Variants in ATG3 observed in about 807,000 individuals in gnomAD.
ATG3 encodes the protein autophagy related 3, also known as ubiquitin-like-conjugating enzyme ATG3.
ATG3 carries 25 observed loss-of-function variants against 50.7 expected under a neutral mutation model. The observed-to-expected ratio is 0.49, with a 90% CI of 0.36 to 0.69. The LOEUF (loss-of-function observed/expected upper bound fraction) is 0.69. Among genes scored for constraint, ATG3 ranks in the 30% least tolerant of loss-of-function variants. The pLI is 0.00. For synonymous variants in ATG3, 119 were observed against 125.5 expected (o/e 0.95, Z 0.34); for missense variants, 281 against 376.0 (o/e 0.75, Z 2.09).
Position 112,532,635 on chromosome 3 carries a change from C to T in ATG3, c.*64G>A. On this transcript the variant is annotated 3_prime_UTR_variant, in exon 12 of 12. Transcript: ENST00000283290. ...TATTGATGAATATGGTCAATGGTCA[C>T]ATCTATGGGTTAATTCTTTAAAAAT... 7.9e-7 allele frequency: 1 copy of T among 1,270,656 alleles called. No homozygotes were observed. Among genetic ancestry groups the T allele is most frequent in the South Asian group, 1.6e-5 (1 of 63,032 alleles). The allele number at this position is 1,270,656 out of a possible 1,614,324, so 78.7% of individuals were successfully genotyped here.
intron 6 of ATG3, among the ~76,000 whole-genome samples, chr3:112,542,574 G>A (rs1377678589): frequency 6.6e-6 from 1 of 152,064 alleles, no homozygotes; most frequent in East Asian, 1.9e-4. Context: ...AGAAACTTAA[G>A]TCATATGTTT....
At chr3:112,539,211 G>A (rs1174523974) in intron 7 of ATG3, among the ~76,000 whole-genome samples, 3 of 152,020 alleles carry the variant, frequency 2.0e-5, no homozygotes, top group Non-Finnish European at 2.9e-5. Context: ...CTGTTGAAAT[G>A]TCACTCCTCT....
At chr3:112,537,548 C>T (rs1933103775) in intron 9 of ATG3, 187 bp downstream of exon 9, 1 of 451,272 alleles carries the variant, frequency 2.2e-6, no homozygotes, top group Non-Finnish European at 3.8e-6. Flanking sequence ...ATTATTGTTA[C>T]ACTGAATAAT....
At position 112,545,989 on chromosome 3, in the gene ATG3, T is replaced by C. The variant is rs566694692; in HGVS notation, c.344-1883A>G. On this transcript the variant is annotated intron_variant, in intron 5 of 11. Transcript: ENST00000283290. ...GTTGAAGGCCTTGTAAGAAAAAGACTGAGGTCCTCCAGAAGAAGGAATTCA... is the reference window on the plus strand; with the variant it reads ...GTTGAAGGCCTTGTAAGAAAAAGACCGAGGTCCTCCAGAAGAAGGAATTCA... Among the ~76,000 whole-genome samples the C allele has an allele frequency of 8.5e-5, 13 of 152,272 alleles. No individual in the cohort carries two copies. In the South Asian group the frequency reaches 1.9e-3, roughly 22 times the overall value.
intron 2 of ATG3, 136 bp from the exon 3 acceptor site, chr3:112,553,465 G>T (rs1933582222): frequency 9.5e-6 from 6 of 628,520 alleles, no homozygotes; most frequent in Non-Finnish European, 1.7e-5. Context: ...AATATAAACA[G>T]CAACAAAGCT....
At chr3:112,544,960 G>C (rs1933334330) in intron 5 of ATG3, among the ~76,000 whole-genome samples, 1 of 152,084 alleles carries the variant, frequency 6.6e-6, no homozygotes, top group African/African-American at 2.4e-5. Context: ...ATTTCATTTG[G>C]ATTTTTGGAT....
chr3:112,535,258 C>T (rs1254088346), intron 10 of ATG3: 1 of 152,048 alleles, frequency 6.6e-6, no homozygotes, highest in Non-Finnish European at 1.5e-5. Flanking sequence ...ATGTATGATT[C>T]CAGAGGATTT....
chr3:112,554,720 A>G (rs558160053), intron 2 of ATG3, among the ~76,000 whole-genome samples: 12 of 152,366 alleles, frequency 7.9e-5, no homozygotes, highest in Admixed American at 3.3e-4. Flanking sequence ...AAAATTACAA[A>G]ATATTTAATC....
intron 5 of ATG3, among the ~76,000 whole-genome samples, chr3:112,548,159 A>G (rs1469821956): frequency 6.6e-6 from 1 of 152,136 alleles, no homozygotes. Context: ...GGAGACCATC[A>G]TGACCAACAT....
chr3:112,545,718 A>T (rs1933351109), intron 5 of ATG3, among the ~76,000 whole-genome samples: 1 of 152,232 alleles, frequency 6.6e-6, no homozygotes, highest in Non-Finnish European at 1.5e-5. Flanking sequence ...CCATTAAAAC[A>T]CTTCTAGAAG....
At chr3:112,540,553 G>T (rs1019914499) in intron 7 of ATG3, among the ~76,000 whole-genome samples, 14 of 151,248 alleles carry the variant, frequency 9.3e-5, no homozygotes, top group African/African-American at 3.4e-4. Flanking sequence ...TATCTTTCTT[G>T]TTGCACAAAT....
chr3:112,554,435 T>C (rs1293961026), intron 2 of ATG3, among the ~76,000 whole-genome samples: 1 of 152,268 alleles, frequency 6.6e-6, no homozygotes, highest in Non-Finnish European at 1.5e-5. Context: ...ATGTATTTTG[T>C]GCCATCCACC....
In ATG3 at chr3:112,534,296, T is replaced by G. The variant is rs146819825; in HGVS notation, c.836A>C (p.Glu279Ala). The change falls in exon 11 of 12, where the codon GAA becomes GCA. Residue 279 changes from glutamate (E) to alanine (A), a missense_variant. This residue lies in a region of ATG3 where 242 missense variants were observed against 305.0 expected (regional missense o/e 0.79). Transcript: ENST00000283290. ...ATGAACTCCAAGTTCTCCCCCTCCT[T>G]CTGCAACAGTCTCAATGATTTTCTT... ...VMKKIIETVA[E>A]GGGELGVHMY... is the part of the protein sequence containing the mutation. 337 of 1,599,138 alleles carry G rather than the reference T, an allele frequency of 2.1e-4. No individual in the cohort carries two copies. The highest frequency in any genetic ancestry group is 2.7e-4 in the Non-Finnish European group (320 of 1,173,624).
At chr3:112,558,223 T>C (rs1208930748) in intron 2 of ATG3, 153 bp downstream of exon 2, 3 of 592,956 alleles carry the variant, frequency 5.1e-6, no homozygotes, top group Non-Finnish European at 9.0e-6. Flanking sequence ...TTTTCTTCTA[T>C]GGGAAGTAGA....
At chr3:112,533,287 G>A (rs987415224) in intron 11 of ATG3, 2 of 984,420 alleles carry the variant, frequency 2.0e-6, no homozygotes, top group African/African-American at 3.5e-5. Flanking sequence ...ATTTTTTTAT[G>A]TTCATTGCAC....
intron 7 of ATG3, among the ~76,000 whole-genome samples, chr3:112,540,487 TATATAA>T (rs1223631268): frequency 2.0e-5 from 3 of 152,194 alleles, no homozygotes; most frequent in Non-Finnish European, 4.4e-5. Context: ...CCTATTTACA[TATATAA>T]ATATATTCAT....
chr3:112,560,400 C>G (rs1933822783), intron 1 of ATG3, among the ~76,000 whole-genome samples: 1 of 152,054 alleles, frequency 6.6e-6, no homozygotes. Flanking sequence ...TCTTACTTGG[C>G]CAATAAGTTA....
chr3:112,537,969 T>A (rs1933118673), intron 8 of ATG3, 79 bp from the exon 9 acceptor site: 2 of 1,393,308 alleles, frequency 1.4e-6, no homozygotes, highest in Non-Finnish European at 2.0e-6. Flanking sequence ...ATTTTTTCCA[T>A]TCTATATTTT....
At chr3:112,553,466 C>G (rs1933582283) in intron 2 of ATG3, 137 bp from the exon 3 acceptor site, 3 of 630,110 alleles carry the variant, frequency 4.8e-6, no homozygotes, top group Non-Finnish European at 8.5e-6. Context: ...ATATAAACAG[C>G]AACAAAGCTG....
Sources: allele counts gnomAD v4.1 joint callset (sites outside exome capture counted in the v4.1 genomes callset), GRCh38; gene constraint gnomAD v4.1.1; regional missense constraint gnomAD v4.1.1; transcripts MANE v1.5; gene names NCBI Gene and HGNC (gene_info 2026-07-23, HGNC 2026-07-21).